The following CRYBG1 variants were observed in gnomAD, a reference collection of about 807,000 sequenced individuals.
The protein encoded by CRYBG1 is crystallin beta-gamma domain containing 1.
In CRYBG1, 139 loss-of-function variants were observed where a neutral mutation model predicts 189.2. The observed-to-expected ratio is 0.73, with a 90% CI of 0.64 to 0.85. The LOEUF (loss-of-function observed/expected upper bound fraction) is 0.85, where lower values mean the gene tolerates loss of function less well. Ranked by LOEUF, CRYBG1 falls within the 40% of genes least tolerant of loss-of-function variation. The pLI is 0.00. For missense variants in CRYBG1, 2,611 were observed against 2,675.8 expected, an observed-to-expected ratio of 0.98 and a Z score of 0.53; for synonymous variants, 1,023 against 1,017.1, an observed-to-expected ratio of 1.01 and a Z score of -0.11.
At position 106,560,867 on chromosome 6, in the gene CRYBG1, C is replaced by A. The variant is rs377667059; in HGVS notation, c.5920C>A (p.Pro1974Thr). 16 of 1,612,796 alleles carry A rather than the reference C, an allele frequency of 9.9e-6. No individual in the cohort carries two copies. In the African/African-American group the frequency reaches 1.5e-4, roughly 15 times the overall value. The change falls in exon 19 of 22, where the codon CCT (proline) becomes ACT (threonine). Residue 1974 changes from proline to threonine, a missense_variant. Physicochemically the swap from Pro to Thr is conservative, Grantham distance 38 (BLOSUM62 -1). This residue lies in a region of CRYBG1 where 1,622 missense variants were observed against 1,735.0 expected (regional missense o/e 0.93). Coordinates refer to ENST00000633556, the MANE Select transcript of CRYBG1 (RefSeq NM_001371242.2). Reference protein sequence around the residue: ...RQFLLSPAEVPNWYEFSGCRQ... With the variant: ...RQFLLSPAEVTNWYEFSGCRQ... ...GTTCCTATTGTCACCTGCAGAAGTA[C>A]CTAATTGGTATGAATTCAGTGGCTG...
chr6:106,501,881 T>C (rs1773018710), intron 2 of CRYBG1, among the ~76,000 whole-genome samples: 2 of 152,230 alleles, frequency 1.3e-5, no homozygotes, highest in Admixed American at 1.3e-4. Context: ...AAATCCACTA[T>C]TAAATCCACA....
intron 7 of CRYBG1, among the ~76,000 whole-genome samples, chr6:106,529,495 A>T (rs997232027): frequency 6.6e-6 from 1 of 152,198 alleles, no homozygotes; most frequent in African/African-American, 2.4e-5. Context: ...TTCAAGTGTT[A>T]ATATTTCTTC....
intron 8 of CRYBG1, among the ~76,000 whole-genome samples, chr6:106,537,029 G>A (rs918971550): frequency 1.3e-5 from 2 of 152,218 alleles, no homozygotes; most frequent in African/African-American, 4.8e-5. Flanking sequence ...TACTAAGGGA[G>A]AACTTTCAGA....
chr6:106,521,904 A>G (rs893416767), intron 4 of CRYBG1, among the ~76,000 whole-genome samples: 1 of 151,810 alleles, frequency 6.6e-6, no homozygotes, highest in African/African-American at 2.4e-5. Flanking sequence ...TTTTTAGTAA[A>G]GACTGAAAAT....
intron 13 of CRYBG1, among the ~76,000 whole-genome samples, chr6:106,545,871 G>T (rs1441471801): frequency 1.3e-5 from 2 of 152,084 alleles, no homozygotes; most frequent in Non-Finnish European, 1.5e-5. Context: ...TTAGAGACAG[G>T]TTTTTGCCAT....
At chr6:106,484,685 T>G (rs1020747600) in intron 2 of CRYBG1, among the ~76,000 whole-genome samples, 3 of 152,122 alleles carry the variant, frequency 2.0e-5, no homozygotes, top group Non-Finnish European at 4.4e-5. Flanking sequence ...CCATATGAAT[T>G]GTAGAATTTT....
At chr6:106,361,190 G>T in intron 1 of CRYBG1, 109 bp downstream of exon 1, 2 of 1,330,748 alleles carry the variant, frequency 1.5e-6, no homozygotes, top group Non-Finnish European at 2.0e-6. Context: ...AAAGCCCCGG[G>T]GTCTGTTTCA....
At chr6:106,546,686 A>G (rs1221102239) in intron 13 of CRYBG1, among the ~76,000 whole-genome samples, 4 of 152,228 alleles carry the variant, frequency 2.6e-5, no homozygotes, top group Non-Finnish European at 5.9e-5. Context: ...ACATTTTAGA[A>G]TCAGTAGCCT....
chr6:106,487,064 T>C (rs1772606623), intron 2 of CRYBG1, among the ~76,000 whole-genome samples: 1 of 152,162 alleles, frequency 6.6e-6, no homozygotes, highest in Admixed American at 6.5e-5. Flanking sequence ...TTTCTCTTTG[T>C]TGTTTGTGTA....
intron 3 of CRYBG1, among the ~76,000 whole-genome samples, chr6:106,518,727 AT>A (rs1301468910): frequency 6.6e-6 from 1 of 152,136 alleles, no homozygotes; most frequent in African/African-American, 2.4e-5. Flanking sequence ...GGAGGCCAAG[AT>A]GGGAGGATTG....
In CRYBG1 at chr6:106,559,454, C is replaced by T. The variant is rs538767350; in HGVS notation, c.5855+829C>T. Among the ~76,000 whole-genome samples the T allele has an allele frequency of 5.3e-5, 8 of 152,046 alleles. No individual in the cohort carries two copies. The East Asian group carries it at 1.4e-3, about 26-fold the overall frequency. ...ACAATAGGTATGGTCTACCTGTGTACAACAGATGTTGGGGTGGACTACATC... is the reference window on the plus strand; with the variant it reads ...ACAATAGGTATGGTCTACCTGTGTATAACAGATGTTGGGGTGGACTACATC... On this transcript the variant is annotated intron_variant, in intron 18 of 21. Transcript: ENST00000633556.
At position 106,520,660 on chromosome 6, in the gene CRYBG1, T is replaced by G; in HGVS notation, c.3452T>G (p.Val1151Gly). The change falls in exon 4 of 22, where the codon GTG becomes GGG. Residue 1151 changes from valine (V) to glycine (G), a missense_variant. Coordinates refer to ENST00000633556, the MANE Select transcript of CRYBG1 (RefSeq NM_001371242.2). The stretch of plus-strand genomic sequence containing the variant: ...ATTCACGAAGACCATTTAGAAAAGG[T>G]GTTTGATCCCAAAGTGTTTACCTTT... ...PPIHEDHLEK[V>G]FDPKVFTFGL... The G allele has an allele frequency of 6.2e-7, 1 of 1,614,074 alleles. No homozygotes were observed. The highest frequency in any genetic ancestry group is 8.5e-7 in the Non-Finnish European group (1 of 1,179,996).
intron 1 of CRYBG1, among the ~76,000 whole-genome samples, chr6:106,384,494 G>C (rs1487498457): frequency 6.6e-6 from 1 of 152,026 alleles, no homozygotes; most frequent in African/African-American, 2.4e-5. Context: ...CACCTAGATG[G>C]TCTCATCTGG....
chr6:106,401,411 C>T (rs63315760), intron 1 of CRYBG1, among the ~76,000 whole-genome samples: 14,475 of 35,412 alleles, frequency 0.41, 2,502 homozygotes, highest in African/African-American at 0.6. Context: ...TTTTAATTTT[C>T]TTTTTTTATT....
chr6:106,452,144 C>T (rs1322767557), intron 2 of CRYBG1, among the ~76,000 whole-genome samples: 5 of 147,874 alleles, frequency 3.4e-5, no homozygotes, highest in Admixed American at 1.4e-4. Context: ...TGGTGGCTCA[C>T]GCCTGTAATC....
intron 2 of CRYBG1, among the ~76,000 whole-genome samples, chr6:106,482,507 G>A (rs1241148435): frequency 6.6e-6 from 1 of 152,158 alleles, no homozygotes; most frequent in Non-Finnish European, 1.5e-5. Flanking sequence ...CAGGCATGGT[G>A]GCTCACGCCT....
intron 18 of CRYBG1, among the ~76,000 whole-genome samples, chr6:106,560,588 A>C (rs1248847960): frequency 5.3e-5 from 8 of 152,238 alleles, no homozygotes; most frequent in Non-Finnish European, 5.9e-5. Context: ...CTCTTCAAGA[A>C]TGGAACTTTT....
chr6:106,512,004 C>A lies in CRYBG1; in HGVS notation c.887C>A (p.Ala296Glu). 1 of 1,529,990 alleles carries A rather than the reference C, an allele frequency of 6.5e-7. No individual in the cohort carries two copies. The highest frequency in any genetic ancestry group is 1.2e-5 in the South Asian group (1 of 83,440). 94.8% of individuals were successfully genotyped at this position (1,529,990 alleles called of 1,614,324 possible). Residue 296 changes from alanine to glutamate, a missense_variant, in exon 3 of 22, where the codon GCG becomes GAG. Ala to Glu is a moderately radical substitution (Grantham distance 107). Transcript: ENST00000633556. Reference sequence around the variant, plus strand: ...GAGGCTTTCCTGGGTGTGAGGGGTGCGCCAGGGTCGCCCACCCAGGAGCGG... The same window carrying A: ...GAGGCTTTCCTGGGTGTGAGGGGTGAGCCAGGGTCGCCCACCCAGGAGCGG... Reference protein sequence around the residue: ...EQEAFLGVRGAPGSPTQERPA... With the variant: ...EQEAFLGVRGEPGSPTQERPA...
intron 1 of CRYBG1, among the ~76,000 whole-genome samples, chr6:106,442,876 A>C (rs1438292698): frequency 6.6e-6 from 1 of 152,228 alleles, no homozygotes; most frequent in Admixed American, 6.5e-5. Context: ...CTACATTTGA[A>C]AAGTTAGACT....
Sources: allele counts gnomAD v4.1 joint callset (sites outside exome capture counted in the v4.1 genomes callset), GRCh38; gene constraint gnomAD v4.1.1; regional missense constraint gnomAD v4.1.1; transcripts MANE v1.5; gene names NCBI Gene and HGNC (gene_info 2026-07-23, HGNC 2026-07-21).